ANKRD36: variants seen among roughly 807,000 people sequenced by gnomAD.
ANKRD36 encodes ankyrin repeat domain 36.
In ANKRD36, 179 loss-of-function variants were observed where a neutral mutation model predicts 278.1. The observed-to-expected ratio is 0.64, with a 90% CI of 0.57 to 0.73. ANKRD36 has a LOEUF of 0.73. Ranked by LOEUF, ANKRD36 falls within the 30% of genes least tolerant of loss-of-function variation. The probability of loss-of-function intolerance (pLI) is 0.00; values close to 1 mark genes in which losing one functional copy is unlikely to be tolerated. For synonymous variants in ANKRD36, 320 were observed against 641.1 expected (o/e 0.50, Z 7.57); for missense variants, 1,159 against 1,956.7 (o/e 0.59, Z 7.69).
chr2:97,118,396 C>T lies in ANKRD36; in HGVS notation c.365C>T (p.Ala122Val), dbSNP rs528084046. Residue 122 changes from alanine (A) to valine (V), a missense_variant, in exon 3 of 76, where the codon GCC becomes GTC. Transcript: ENST00000420699. The part of the protein sequence containing the change: ...ACATLLLQNG[A>V]NPNITDFFGR... ...GCAACTCTTCTGCTGCAAAATGGCG[C>T]CAATCCAAATATTACGGATTTCTTT... 1.2e-6 allele frequency: 2 copies of T among 1,608,460 alleles called. 1 individual carries two copies. The highest frequency in any genetic ancestry group is 3.3e-5 in the Admixed American group (2 of 59,734).
intron 10 of ANKRD36, among the ~76,000 whole-genome samples, chr2:97,146,213 C>T (rs1559325458): frequency 6.6e-6 from 1 of 151,714 alleles, no homozygotes; most frequent in Non-Finnish European, 1.5e-5. Context: ...GTTATCCACC[C>T]ACCTCAGCCT....
At chr2:97,132,808 G>A (rs568291793) in intron 6 of ANKRD36, among the ~76,000 whole-genome samples, 2 of 152,022 alleles carry the variant, frequency 1.3e-5, no homozygotes, top group Non-Finnish European at 2.9e-5. Flanking sequence ...GCTTCCGGGA[G>A]CCCTCTCCTG....
rs753011736 is a variant in ANKRD36 at position 97,207,850 on chromosome 2, T to G, written c.3192+11T>G. 7 of 1,546,394 alleles carry G rather than the reference T, an allele frequency of 4.5e-6. 1 individual carries two copies. In the South Asian group the frequency reaches 8.4e-5, roughly 18 times the overall value. On this transcript the variant is annotated intron_variant, in intron 53 of 75. Transcript: ENST00000420699. ...CCATCAGGCTTGAAGGTAATGAAACTGTCATTTATATTGTGAACTAGTAAA... is the reference window on the plus strand; with the variant it reads ...CCATCAGGCTTGAAGGTAATGAAACGGTCATTTATATTGTGAACTAGTAAA...
In ANKRD36 at chr2:97,113,359, G is replaced by A. The variant is rs568750193; in HGVS notation, c.-381G>A. On this transcript the variant is annotated 5_prime_UTR_variant, in exon 1 of 76. Transcript: ENST00000420699. ...TGGGCTGCAGAGGGCCCAGCGCGGGGGACTCCGAGCGTCGGGAGCCTGTGG... is the reference window on the plus strand; with the variant it reads ...TGGGCTGCAGAGGGCCCAGCGCGGGAGACTCCGAGCGTCGGGAGCCTGTGG... 1.3e-4 allele frequency: 37 copies of A among 284,080 alleles called. 1 individual carries two copies. The South Asian group carries it at 1.3e-3, about 10-fold the overall frequency. The allele number at this position is 284,080 out of a possible 1,614,324, so 17.6% of individuals were successfully genotyped here. A position where few individuals can be genotyped will look rare whatever the true frequency, so the allele number is the denominator to read the frequency against.
intron 30 of ANKRD36, among the ~76,000 whole-genome samples, chr2:97,186,392 A>G (rs1213313243): frequency 6.6e-6 from 1 of 150,994 alleles, no homozygotes; most frequent in Non-Finnish European, 1.5e-5. Context: ...TAAAATGGTC[A>G]TTTTCAATGA....
chr2:97,231,716 A>G (rs535304278), intron 67 of ANKRD36, among the ~76,000 whole-genome samples: 150 of 152,202 alleles, frequency 9.9e-4, no homozygotes, highest in African/African-American at 3.4e-3. Context: ...GAAACCACCC[A>G]TCTTCTGCGT....
At chr2:97,174,296 T>G (rs2053573629) in intron 22 of ANKRD36, among the ~76,000 whole-genome samples, 1 of 151,636 alleles carries the variant, frequency 6.6e-6, no homozygotes. Flanking sequence ...TTAGATTAAG[T>G]GAACTCACTT....
intron 66 of ANKRD36, among the ~76,000 whole-genome samples, chr2:97,224,452 G>GTT (rs199810806): frequency 4.5e-4 from 62 of 137,956 alleles, no homozygotes; most frequent in South Asian, 1.1e-3. Flanking sequence ...TTGTTTTTTT[G>GTT]TTTTTTTTTT....
chr2:97,142,915 C>T, intron 8 of ANKRD36, 80 bp downstream of exon 8: 2 of 1,432,214 alleles, frequency 1.4e-6, no homozygotes, highest in South Asian at 1.4e-5. Flanking sequence ...TCGCAGGGAG[C>T]TCATTGAATC....
chr2:97,158,843 A>T (rs1350031947), intron 17 of ANKRD36, among the ~76,000 whole-genome samples, 188 bp downstream of exon 17: 1 of 152,006 alleles, frequency 6.6e-6, no homozygotes, highest in Non-Finnish European at 1.5e-5. Context: ...GATCCTATAA[A>T]GGAATGGAAG....
chr2:97,169,764 G>A (rs2051849450), intron 22 of ANKRD36, among the ~76,000 whole-genome samples: 1 of 152,256 alleles, frequency 6.6e-6, no homozygotes, highest in Non-Finnish European at 1.5e-5. Flanking sequence ...ACAAACCACT[G>A]CTCAAGGATA....
At chr2:97,198,077 G>T (rs1337759671) in intron 42 of ANKRD36, among the ~76,000 whole-genome samples, 4 of 152,002 alleles carry the variant, frequency 2.6e-5, no homozygotes, top group South Asian at 2.1e-4. Context: ...AAATCCTTTT[G>T]ATTTGTTGCA....
rs764154905 is a variant in ANKRD36, at chr2:97,191,160, G to C, written c.2326G>C (p.Asp776His). ...TTCGAACATAGCCACAGAAATAAAG[G>C]ATGGAGAAAAATCTGGGACAGGTAA... ...SVSNIATEIK[D>H]GEKSGTVSSQ... The change falls in exon 36 of 76, where the codon GAT (aspartate) becomes CAT (histidine). Residue 776 changes from aspartate to histidine, a missense_variant. Coordinates refer to ENST00000420699, the MANE Select transcript of ANKRD36 (RefSeq NM_001354587.1). 6.3e-7 allele frequency: 1 copy of C among 1,596,382 alleles called. No homozygotes were observed. Among genetic ancestry groups the C allele is most frequent in the East Asian group, 2.3e-5 (1 of 43,740 alleles).
Position 97,220,761 on chromosome 2 carries a change from C to CTTTT in ANKRD36, c.3877+1524_3877+1527dup, listed in dbSNP as rs60699692. Among the ~76,000 whole-genome samples the CTTTT allele has an allele frequency of 6.8e-4, 48 of 70,588 alleles. No homozygotes were observed. In the East Asian group the frequency reaches 8.0e-3, roughly 12 times the overall value. The allele number at this position is 70,588 out of a possible 152,430, so 46.3% of individuals were successfully genotyped here. On this transcript the variant is annotated intron_variant, in intron 66 of 75. Coordinates refer to ENST00000420699, the MANE Select transcript of ANKRD36 (RefSeq NM_001354587.1). ...TTTTTTTTTTTTAATTTTTAATTTT[C>CTTTT]TTTTTTTTTTTTAATTTTTTTTTTT...
intron 22 of ANKRD36, among the ~76,000 whole-genome samples, chr2:97,170,887 G>A (rs376202560): frequency 3.2e-4 from 47 of 148,132 alleles, no homozygotes; most frequent in South Asian, 8.8e-4. Flanking sequence ...AAAAGTGGGC[G>A]AAGGACATGA....
At chr2:97,232,014 AC>A (rs1411191426) in intron 67 of ANKRD36, among the ~76,000 whole-genome samples, 3 of 151,906 alleles carry the variant, frequency 2.0e-5, no homozygotes, top group African/African-American at 7.2e-5. Context: ...GTCCAAACAA[AC>A]AGTGACAAAT....
intron 22 of ANKRD36, among the ~76,000 whole-genome samples, chr2:97,174,074 G>T (rs1343581195): frequency 6.6e-6 from 1 of 150,984 alleles, no homozygotes; most frequent in Non-Finnish European, 1.5e-5. Context: ...ATATTGGTTG[G>T]TTATTTATAA....
chr2:97,194,962 G>GT, intron 40 of ANKRD36, 45 bp downstream of exon 40: 1 of 1,537,042 alleles, frequency 6.5e-7, no homozygotes, highest in African/African-American at 1.4e-5. Context: ...GTCCAGACAA[G>GT]AAGTTCTCTT....
chr2:97,205,917 T>C (rs1279469875), intron 50 of ANKRD36, 23 bp from the exon 51 acceptor site: 1 of 1,543,974 alleles, frequency 6.5e-7, no homozygotes, highest in African/African-American at 1.4e-5. Context: ...TATGACTGAT[T>C]ATGAATCACT....
Sources: gnomAD v4.1 joint callset for allele counts (sites outside exome capture counted in the v4.1 genomes callset) on GRCh38, gnomAD v4.1.1 for gene constraint, MANE v1.5 for transcripts, NCBI Gene and HGNC (gene_info 2026-07-23, HGNC 2026-07-21) for gene names.